GATAD2A: variants seen among roughly 807,000 people sequenced by gnomAD.
GATAD2A encodes GATA zinc finger domain containing 2A.
GATAD2A carries 12 observed loss-of-function variants against 68.5 expected under a neutral mutation model. The ratio of observed to expected loss-of-function variants is 0.18; its 90% CI spans 0.11 to 0.28. GATAD2A has a LOEUF of 0.28. GATAD2A is among the 10% of genes least tolerant of loss of function. The probability of loss-of-function intolerance (pLI) is 1.00; values close to 1 mark genes in which losing one functional copy is unlikely to be tolerated. For missense variants in GATAD2A, 755 were observed against 868.5 expected, an observed-to-expected ratio of 0.87 and a Z score of 1.64; for synonymous variants, 410 against 375.3, an observed-to-expected ratio of 1.09 and a Z score of -1.07.
intron 11 of GATAD2A, 93 bp downstream of exon 11, chr19:19,502,619 A>C: frequency 9.9e-7 from 1 of 1,006,684 alleles, no homozygotes; most frequent in Non-Finnish European, 1.5e-6. Context: ...CAGCGGGTGA[A>C]CCCCCAGGCC....
At chr19:19,494,841 C>T (rs961770983) in intron 5 of GATAD2A, among the ~76,000 whole-genome samples, 11 of 152,288 alleles carry the variant, frequency 7.2e-5, no homozygotes, top group East Asian at 1.9e-4. Context: ...CCCATCCTGC[C>T]GTGGGCCGGC....
At chr19:19,484,536 T>TC (rs1568326504) in intron 2 of GATAD2A, among the ~76,000 whole-genome samples, 10 of 140,998 alleles carry the variant, frequency 7.1e-5, no homozygotes, top group Non-Finnish European at 1.6e-4. Context: ...TTTTTTCTTT[T>TC]TTTTTTTTTT....
At chr19:19,442,588 A>G (rs2055222188) in intron 1 of GATAD2A, among the ~76,000 whole-genome samples, 1 of 152,142 alleles carries the variant, frequency 6.6e-6, no homozygotes, top group East Asian at 1.9e-4. Flanking sequence ...AGATCGCGCC[A>G]CTGCACTCCA....
intron 1 of GATAD2A, among the ~76,000 whole-genome samples, chr19:19,439,739 C>T (rs573999714): frequency 6.6e-6 from 1 of 151,938 alleles, no homozygotes; most frequent in African/African-American, 2.4e-5. Flanking sequence ...CACAGTTACC[C>T]GGGGAGGCTG....
chr19:19,389,328 G>C (rs1444566510), intron 1 of GATAD2A, among the ~76,000 whole-genome samples: 2 of 152,174 alleles, frequency 1.3e-5, no homozygotes, highest in Non-Finnish European at 2.9e-5. Context: ...GCTAGTGTTT[G>C]GTTTAGCATT....
At chr19:19,415,969 C>T (rs1193687928) in intron 1 of GATAD2A, among the ~76,000 whole-genome samples, 2 of 151,244 alleles carry the variant, frequency 1.3e-5, no homozygotes, top group Non-Finnish European at 2.9e-5. Flanking sequence ...TTTTTTTTCC[C>T]CCCCAAGAGA....
chr19:19,435,152 C>T (rs781079053), intron 1 of GATAD2A: 1 of 530,878 alleles, frequency 1.9e-6, no homozygotes, highest in Non-Finnish European at 3.9e-6. Flanking sequence ...CTACGGTTGC[C>T]TTGGGGATTC....
chr19:19,496,125 C>T lies in GATAD2A; in HGVS notation c.830C>T (p.Pro277Leu). Residue 277 changes from proline (P) to leucine (L), a missense_variant, in exon 7 of 12, where the codon CCC (proline) becomes CTC (leucine). Physicochemically the swap from Pro to Leu is moderately conservative, Grantham distance 98. Coordinates refer to ENST00000683918, the MANE Select transcript of GATAD2A (RefSeq NM_001384528.1). The part of the protein sequence containing the change: ...PLLLAPRASV[P>L]SVQIQGQRII... ...CTCCTGGCCCCCCGGGCGTCGGTGC[C>T]CAGTGTGCAGATTCAGGGACAGAGG... 1 of 1,613,636 alleles carries T rather than the reference C, an allele frequency of 6.2e-7. No homozygotes were observed. Among genetic ancestry groups the T allele is most frequent in the Non-Finnish European group, 8.5e-7 (1 of 1,179,870 alleles).
intron 1 of GATAD2A, among the ~76,000 whole-genome samples, chr19:19,416,785 G>GGA (rs1457980526): frequency 1.3e-5 from 2 of 150,774 alleles, no homozygotes; most frequent in African/African-American, 4.9e-5. Context: ...GTTTTGAGGC[G>GGA]GAGTTTCGCT....
intron 5 of GATAD2A, among the ~76,000 whole-genome samples, chr19:19,495,152 T>G (rs568366102): frequency 2.0e-5 from 3 of 151,034 alleles, no homozygotes; most frequent in African/African-American, 4.9e-5. Flanking sequence ...CACACCACCA[T>G]GCCTGGGTAA....
intron 1 of GATAD2A, among the ~76,000 whole-genome samples, chr19:19,410,976 T>C (rs1383437693): frequency 1.3e-5 from 2 of 152,226 alleles, no homozygotes; most frequent in African/African-American, 4.8e-5. Flanking sequence ...AGTACTGTTA[T>C]GACTGTAACA....
At chr19:19,503,701 A>G (rs1270550995) in intron 11 of GATAD2A, among the ~76,000 whole-genome samples, 1 of 151,856 alleles carries the variant, frequency 6.6e-6, no homozygotes, top group Non-Finnish European at 1.5e-5. Context: ...GCATGAAGGC[A>G]TCACTAGTTG....
chr19:19,413,791 G>T (rs1334222259), intron 1 of GATAD2A, among the ~76,000 whole-genome samples: 3 of 152,018 alleles, frequency 2.0e-5, no homozygotes, highest in African/African-American at 7.3e-5. Context: ...CGTCATGTTG[G>T]TCAGGCTGGT....
chr19:19,465,421 A>G lies in GATAD2A; in HGVS notation c.76A>G (p.Ser26Gly), dbSNP rs2057792871. 1 of 1,613,724 alleles carries G rather than the reference A, an allele frequency of 6.2e-7. No homozygotes were observed. Among genetic ancestry groups the G allele is most frequent in the Non-Finnish European group, 8.5e-7 (1 of 1,179,704 alleles). The change falls in exon 2 of 12, where the codon AGC becomes GGC. Residue 26 changes from serine to glycine, a missense_variant. Physicochemically the swap from Ser to Gly is moderately conservative, Grantham distance 56. Transcript: ENST00000683918. Reference protein sequence around the residue: ...ERDPTEDDVESKKIKMERGLL... With the variant: ...ERDPTEDDVEGKKIKMERGLL... Reference sequence around the variant, plus strand: ...GGACCCAACAGAGGACGATGTGGAGAGCAAGAAAATAAAAATGGAGAGAGG... The same window carrying G: ...GGACCCAACAGAGGACGATGTGGAGGGCAAGAAAATAAAAATGGAGAGAGG...
intron 2 of GATAD2A, chr19:19,474,178 C>G (rs747050): frequency 0.37 from 364,733 of 982,424 alleles, 70,688 homozygotes; most frequent in African/African-American, 0.64. Context: ...GTGAGTCCTT[C>G]CTGTTTGGAC....
chr19:19,386,151 C>G (rs1599948035), intron 1 of GATAD2A: 1 of 152,562 alleles, frequency 6.6e-6, no homozygotes, highest in East Asian at 1.9e-4. Flanking sequence ...GAGTAAGGGG[C>G]AGGCGCCGCT....
chr19:19,413,707 C>T (rs745731199), intron 1 of GATAD2A, among the ~76,000 whole-genome samples: 3 of 152,122 alleles, frequency 2.0e-5, no homozygotes, highest in Non-Finnish European at 4.4e-5. Flanking sequence ...GCCTCAGCCT[C>T]CCGAGTAGTT....
intron 1 of GATAD2A, among the ~76,000 whole-genome samples, chr19:19,407,089 T>G (rs779839367): frequency 2.1e-4 from 32 of 152,206 alleles, no homozygotes; most frequent in Non-Finnish European, 3.5e-4. Context: ...TGGTTACATC[T>G]CTGGTTCTGT....
chr19:19,457,764 A>G (rs2057068940), intron 1 of GATAD2A, among the ~76,000 whole-genome samples: 1 of 151,918 alleles, frequency 6.6e-6, no homozygotes, highest in South Asian at 2.1e-4. Flanking sequence ...AAGATTAACA[A>G]AAGGCCCCTT....
Sources: allele counts gnomAD v4.1 joint callset (sites outside exome capture counted in the v4.1 genomes callset), GRCh38; gene constraint gnomAD v4.1.1; transcripts MANE v1.5; gene names NCBI Gene and HGNC (gene_info 2026-07-23, HGNC 2026-07-21).